Variants in TMEM178B observed in about 807,000 individuals in gnomAD.
The protein encoded by TMEM178B is transmembrane protein 178B.
Under a neutral mutation model 31.0 loss-of-function variants are expected in TMEM178B, and 5 were observed. The observed-to-expected ratio is 0.16, with a 90% CI of 0.08 to 0.34. The LOEUF is 0.34. Among genes scored for constraint, TMEM178B ranks in the 10% least tolerant of loss-of-function variants. The pLI is 1.00. For synonymous variants in TMEM178B, 164 were observed against 164.0 expected (o/e 1.00, Z 0.00); for missense variants, 275 against 400.3 (o/e 0.69, Z 2.67).
intron 2 of TMEM178B, among the ~76,000 whole-genome samples, chr7:141,377,163 T>G (rs909974261): frequency 1.5e-5 from 2 of 135,510 alleles, no homozygotes; most frequent in African/African-American, 6.3e-5. Context: ...ACTTCTGTAT[T>G]TATTTATTTA....
chr7:141,152,160 C>T (rs991385973), intron 1 of TMEM178B, among the ~76,000 whole-genome samples: 3 of 152,174 alleles, frequency 2.0e-5, no homozygotes, highest in Admixed American at 6.5e-5. Context: ...AGCCAGGAGA[C>T]CAAAGTCAGC....
rs528037615 is a variant in TMEM178B, at chr7:141,253,885, G to A, written c.496+41181G>A. Among the ~76,000 whole-genome samples the A allele has an allele frequency of 8.5e-5, 13 of 152,184 alleles. No individual in the cohort carries two copies. In the East Asian group the frequency reaches 2.5e-3, roughly 29 times the overall value. On this transcript the variant is annotated intron_variant, in intron 2 of 3. Transcript: ENST00000565468. ...TTTTGAAGGCTCTACAATGAGTTGT[G>A]ACTCCTAACACTAGGGACCTTTGTT...
intron 3 of TMEM178B, among the ~76,000 whole-genome samples, chr7:141,446,296 T>C (rs1400389138): frequency 1.3e-5 from 2 of 152,144 alleles, no homozygotes; most frequent in Non-Finnish European, 2.9e-5. Context: ...AGCAGCCTTA[T>C]CCAGATGAAT....
chr7:141,135,340 A>G (rs1795659026), intron 1 of TMEM178B, among the ~76,000 whole-genome samples: 1 of 152,186 alleles, frequency 6.6e-6, no homozygotes, highest in African/African-American at 2.4e-5. Flanking sequence ...GAAAATCAAC[A>G]AAGAAACACT....
At chr7:141,384,860 C>T (rs770246637) in intron 2 of TMEM178B, among the ~76,000 whole-genome samples, 16 of 151,894 alleles carry the variant, frequency 1.1e-4, no homozygotes, top group Non-Finnish European at 1.6e-4. Flanking sequence ...GATTTGCTTT[C>T]TACAGATCAA....
chr7:141,167,734 T>C (rs963957943), intron 1 of TMEM178B, among the ~76,000 whole-genome samples: 23 of 152,346 alleles, frequency 1.5e-4, no homozygotes, highest in Admixed American at 1.4e-3. Flanking sequence ...CTGAGGCTGC[T>C]CTACCCTTTT....
At chr7:141,506,996 T>C in the TMEM178B span, among the ~76,000 whole-genome samples, 9 of 152,298 alleles carry the variant, frequency 5.9e-5, no homozygotes, top group Admixed American at 2.0e-4. Flanking sequence ...TTTGACTCCA[T>C]GTCTCACATC....
chr7:141,495,002 A>G, the TMEM178B span, among the ~76,000 whole-genome samples: 1 of 152,208 alleles, frequency 6.6e-6, no homozygotes, highest in East Asian at 1.9e-4. Context: ...ATACTTTTAT[A>G]TATGTTTGAA....
intron 2 of TMEM178B, among the ~76,000 whole-genome samples, chr7:141,245,222 AG>A (rs967452556): frequency 7.9e-6 from 1 of 126,230 alleles, no homozygotes; most frequent in Non-Finnish European, 1.6e-5. Context: ...AAGGATGCAC[AG>A]GGGAGGTAGG....
intron 2 of TMEM178B, among the ~76,000 whole-genome samples, chr7:141,432,144 A>ATTTTTTTT (rs1801442390): frequency 1.2e-5 from 1 of 86,364 alleles, no homozygotes; most frequent in East Asian, 3.6e-4. Flanking sequence ...CCTTCACTGC[A>ATTTTTTTT]TCTTTTTTTT....
downstream of TMEM178B, among the ~76,000 whole-genome samples, chr7:141,481,008 C>A (rs1446187846): frequency 6.6e-6 from 1 of 152,104 alleles, no homozygotes; most frequent in Non-Finnish European, 1.5e-5. Flanking sequence ...TAGCTGGAAG[C>A]CTGTAGGAAG....
intron 2 of TMEM178B, among the ~76,000 whole-genome samples, chr7:141,349,955 GCATCCATC>G (rs60758674): frequency 1.9e-3 from 278 of 150,226 alleles, no homozygotes; most frequent in South Asian, 2.1e-3. Flanking sequence ...ATGCATCCAT[GCATCCATC>G]CATCCATCCA....
At chr7:141,343,641 A>G (rs10224507) in intron 2 of TMEM178B, among the ~76,000 whole-genome samples, 76,488 of 148,464 alleles carry the variant, frequency 0.52, 19,756 homozygotes, top group African/African-American at 0.61. Flanking sequence ...GCTCCACCCC[A>G]CCGGGTTACA....
At chr7:141,212,340 AT>A (rs1347084001) in intron 1 of TMEM178B, among the ~76,000 whole-genome samples, 5 of 152,342 alleles carry the variant, frequency 3.3e-5, no homozygotes, top group African/African-American at 1.2e-4. Context: ...ACAAGCTGCT[AT>A]CAGCCTAAAC....
intron 2 of TMEM178B, among the ~76,000 whole-genome samples, chr7:141,311,832 G>A (rs1343588920): frequency 1.3e-5 from 2 of 152,242 alleles, no homozygotes; most frequent in Admixed American, 6.5e-5. Context: ...GCTGAATGGA[G>A]TGAGTGGGGA....
chr7:141,102,179 A>G (rs568501021), intron 1 of TMEM178B, among the ~76,000 whole-genome samples: 53 of 152,322 alleles, frequency 3.5e-4, no homozygotes, highest in African/African-American at 1.2e-3. Flanking sequence ...GCGAATGACT[A>G]TTAAAGGGTT....
intron 2 of TMEM178B, among the ~76,000 whole-genome samples, chr7:141,393,960 C>T (rs1800592010): frequency 6.6e-6 from 1 of 151,786 alleles, no homozygotes; most frequent in African/African-American, 2.4e-5. Context: ...TGATGTTTAC[C>T]CTCCATTATT....
chr7:141,424,316 G>T (rs1246695464), intron 2 of TMEM178B, among the ~76,000 whole-genome samples: 1 of 152,144 alleles, frequency 6.6e-6, no homozygotes, highest in East Asian at 1.9e-4. Context: ...AGCCAGTGTT[G>T]GCCTGCACTG....
chr7:141,155,175 C>T (rs1309486906), intron 1 of TMEM178B, among the ~76,000 whole-genome samples: 1 of 152,108 alleles, frequency 6.6e-6, no homozygotes, highest in Admixed American at 6.5e-5. Flanking sequence ...CAGGTGTGGG[C>T]AGCAAGAATC....
Sources: allele counts gnomAD v4.1 joint callset (sites outside exome capture counted in the v4.1 genomes callset), GRCh38; gene constraint gnomAD v4.1.1; transcripts MANE v1.5; gene names NCBI Gene and HGNC (gene_info 2026-07-23, HGNC 2026-07-21).